The following LYPD6 variants were observed in gnomAD, a reference collection of about 807,000 sequenced individuals.
LYPD6 encodes the protein ly6/PLAUR domain-containing protein 6.
Under a neutral mutation model 22.7 loss-of-function variants are expected in LYPD6, and 15 were observed. The observed-to-expected ratio is 0.66, with a 90% confidence interval of 0.44 to 1.02. The LOEUF is 1.02. LYPD6 is among the 50% of genes least tolerant of loss of function. LYPD6 has a pLI of 0.00. For missense variants in LYPD6, 189 were observed against 208.4 expected, an observed-to-expected ratio of 0.91 and a Z score of 0.57; for synonymous variants, 72 against 77.5, an observed-to-expected ratio of 0.93 and a Z score of 0.37.
chr2:149,452,364 C>T (rs907879700), intron 3 of LYPD6, among the ~76,000 whole-genome samples: 1 of 152,180 alleles, frequency 6.6e-6, no homozygotes, highest in Non-Finnish European at 1.5e-5. Flanking sequence ...TCCAGGTTTT[C>T]TTCAGATTTT....
intron 1 of LYPD6, among the ~76,000 whole-genome samples, chr2:149,435,347 G>A (rs1390740835): frequency 6.6e-6 from 1 of 152,194 alleles, no homozygotes; most frequent in Admixed American, 6.5e-5. Context: ...TCTTTTGTCT[G>A]TGCATTTGTT....
intron 1 of LYPD6, among the ~76,000 whole-genome samples, chr2:149,410,177 T>G (rs559581719): frequency 6.6e-6 from 1 of 152,222 alleles, no homozygotes; most frequent in Non-Finnish European, 1.5e-5. Flanking sequence ...TACTGAAATT[T>G]AGGGGTCTCA....
chr2:149,398,022 TAA>T (rs1238741000), intron 1 of LYPD6, among the ~76,000 whole-genome samples: 6 of 152,184 alleles, frequency 3.9e-5, no homozygotes, highest in Admixed American at 6.5e-5. Flanking sequence ...TAACTAGAAT[TAA>T]AGAGGGAACA....
Position 149,361,481 on chromosome 2 carries a change from C to T in LYPD6, c.-72+30759C>T, listed in dbSNP as rs77361954. On this transcript the variant is annotated intron_variant, in intron 1 of 4. Transcript: ENST00000334166. ...GCCAAAGAGGCATACTTTGGGATGG[C>T]GTATTCTGGTCTCTTAAATACACAT... Among the ~76,000 whole-genome samples the T allele has an allele frequency of 4.0e-3, 607 of 152,266 alleles. 20 individuals carry two copies. In the East Asian group the frequency reaches 0.062, roughly 16 times the overall value.
intron 1 of LYPD6, among the ~76,000 whole-genome samples, chr2:149,344,797 C>A (rs549776046): frequency 2.0e-5 from 3 of 152,252 alleles, no homozygotes; most frequent in African/African-American, 7.2e-5. Flanking sequence ...ATGGCTGTGT[C>A]TGAATTAGAC....
At chr2:149,355,655 T>A (rs942618808) in intron 1 of LYPD6, among the ~76,000 whole-genome samples, 1 of 152,176 alleles carries the variant, frequency 6.6e-6, no homozygotes, top group Non-Finnish European at 1.5e-5. Context: ...ACAAGGGACT[T>A]GTGTATACTC....
chr2:149,346,769 C>T (rs534674206), intron 1 of LYPD6, among the ~76,000 whole-genome samples: 15 of 152,240 alleles, frequency 9.9e-5, no homozygotes, highest in South Asian at 2.1e-4. Context: ...GGCGTGATCT[C>T]GGCTCACTGC....
chr2:149,347,050 A>G (rs1681269821), intron 1 of LYPD6, among the ~76,000 whole-genome samples: 1 of 152,146 alleles, frequency 6.6e-6, no homozygotes, highest in South Asian at 2.1e-4. Context: ...GTCAGAGGTC[A>G]AGGTGCTGGC....
chr2:149,413,407 TAG>T (rs765029686), intron 1 of LYPD6, among the ~76,000 whole-genome samples: 3 of 151,692 alleles, frequency 2.0e-5, no homozygotes, highest in African/African-American at 2.4e-5. Context: ...AATGACGAGA[TAG>T]AGAGAGAGAG....
At position 149,393,249 on chromosome 2, in the gene LYPD6, G is replaced by A. The variant is rs540607256; in HGVS notation, c.-71-44389G>A. Among the ~76,000 whole-genome samples, 13 of 152,258 alleles carry A rather than the reference G, an allele frequency of 8.5e-5. No homozygotes were observed. The East Asian group carries it at 9.6e-4, about 11-fold the overall frequency. On this transcript the variant is annotated intron_variant, in intron 1 of 4. Coordinates refer to ENST00000334166, the MANE Select transcript of LYPD6 (RefSeq NM_194317.5). ...CATCTATAGCTTCTCAGTTTTACAC[G>A]TAAATAGATGCCATCAGAAGTATTT...
chr2:149,440,390 GGAAGAAACT>G, intron 2 of LYPD6: 1 of 167,006 alleles, frequency 6.0e-6, no homozygotes, highest in South Asian at 1.6e-4. Flanking sequence ...AAGATATCCC[GGAAGAAACT>G]GAAGAAACAA....
intron 1 of LYPD6, among the ~76,000 whole-genome samples, chr2:149,334,981 A>AAC (rs1440017604): frequency 6.6e-6 from 1 of 152,188 alleles, no homozygotes; most frequent in Non-Finnish European, 1.5e-5. Flanking sequence ...ATGCTTGTGT[A>AAC]AACACACTTA....
At chr2:149,429,429 G>A (rs948877951) in intron 1 of LYPD6, among the ~76,000 whole-genome samples, 10 of 152,254 alleles carry the variant, frequency 6.6e-5, no homozygotes, top group African/African-American at 2.4e-4. Context: ...ATGGTTAGGT[G>A]AGACAGTAAA....
intron 1 of LYPD6, among the ~76,000 whole-genome samples, chr2:149,408,685 G>A (rs1023168293): frequency 1.3e-5 from 2 of 152,216 alleles, no homozygotes; most frequent in African/African-American, 2.4e-5. Flanking sequence ...TCTTCTGCTC[G>A]TTTGATACTG....
At chr2:149,476,780 CTG>C (rs1157988893), downstream of LYPD6, among the ~76,000 whole-genome samples, 1 of 152,218 alleles carries the variant, frequency 6.6e-6, no homozygotes, top group East Asian at 1.9e-4. Context: ...CACCCGGAGT[CTG>C]AGCACATGCC....
intron 2 of LYPD6, among the ~76,000 whole-genome samples, chr2:149,445,029 A>G (rs1448421605): frequency 6.6e-6 from 1 of 152,236 alleles, no homozygotes; most frequent in Non-Finnish European, 1.5e-5. Context: ...TTGAAACTCA[A>G]AATGACTTCT....
rs772460202 is a variant in LYPD6, at chr2:149,423,369, G to A, written c.-71-14269G>A. 3.3e-5 allele frequency among the ~76,000 whole-genome samples: 5 copies of A among 152,188 alleles called. No homozygotes were observed. The East Asian group carries it at 5.8e-4, about 18-fold the overall frequency. On this transcript the variant is annotated intron_variant, in intron 1 of 4. Coordinates refer to ENST00000334166, the MANE Select transcript of LYPD6 (RefSeq NM_194317.5). The stretch of plus-strand genomic sequence containing the variant: ...TGAACCTTAAATACATTTCCAGTTC[G>A]TGATGGTATCAGGCTGCATGATGAA...
intron 1 of LYPD6, among the ~76,000 whole-genome samples, chr2:149,380,142 G>T (rs1434482494): frequency 6.6e-6 from 1 of 152,200 alleles, no homozygotes. Context: ...TAGTTGGCAA[G>T]TGTGAGAAAT....
intron 3 of LYPD6, among the ~76,000 whole-genome samples, chr2:149,466,220 C>T (rs1681197448): frequency 6.6e-6 from 1 of 152,180 alleles, no homozygotes; most frequent in South Asian, 2.1e-4. Context: ...AGAAGGTTCT[C>T]ATAAGTTGTG....
Sources: gnomAD v4.1 joint callset for allele counts (sites outside exome capture counted in the v4.1 genomes callset) on GRCh38, gnomAD v4.1.1 for gene constraint, MANE v1.5 for transcripts, NCBI Gene and HGNC (gene_info 2026-07-23, HGNC 2026-07-21) for gene names.